PLSCR4: variants seen among roughly 807,000 people sequenced by gnomAD.
The protein encoded by PLSCR4 is phospholipid scramblase 4.
PLSCR4 carries 25 observed loss-of-function variants against 36.3 expected under a neutral mutation model. The observed-to-expected ratio is 0.69, with a 90% CI of 0.50 to 0.96. The LOEUF is 0.96. PLSCR4 is among the 40% of genes least tolerant of loss of function. The probability of loss-of-function intolerance (pLI) is 0.00; values close to 1 mark genes in which losing one functional copy is unlikely to be tolerated. For synonymous variants in PLSCR4, 122 were observed against 132.9 expected (o/e 0.92, Z 0.56); for missense variants, 408 against 414.7 (o/e 0.98, Z 0.14).
intron 1 of PLSCR4, among the ~76,000 whole-genome samples, chr3:146,229,835 AG>A (rs1238916141): frequency 6.6e-6 from 1 of 151,998 alleles, no homozygotes; most frequent in African/African-American, 2.4e-5. Flanking sequence ...CATGTTAGCC[AG>A]GATGGTCTCG....
rs1054183469 is a variant in PLSCR4 at position 146,194,151 on chromosome 3, T to C, written c.*260A>G. The C allele has an allele frequency of 2.5e-6, 1 of 397,124 alleles. No homozygotes were observed. The highest frequency in any genetic ancestry group is 4.5e-6 in the Non-Finnish European group (1 of 223,458). 24.6% of individuals were successfully genotyped at this position (397,124 alleles called of 1,614,324 possible). On this transcript the variant is annotated 3_prime_UTR_variant, in exon 9 of 9. Coordinates refer to ENST00000354952, the MANE Select transcript of PLSCR4 (RefSeq NM_020353.3). ...ATCTCATGTTTATAGTGTTTTAAGCTTACTTTGTATATGTTTACTGGGTTA... is the reference window on the plus strand; with the variant it reads ...ATCTCATGTTTATAGTGTTTTAAGCCTACTTTGTATATGTTTACTGGGTTA...
At chr3:146,219,621 C>CA (rs1034557560) in intron 3 of PLSCR4, among the ~76,000 whole-genome samples, 15 of 151,160 alleles carry the variant, frequency 9.9e-5, no homozygotes, top group Admixed American at 1.3e-4. Context: ...TGCCTAGAGC[C>CA]AAAAAAAACC....
At chr3:146,233,990 C>A (rs945792656) in intron 1 of PLSCR4, among the ~76,000 whole-genome samples, 1 of 147,366 alleles carries the variant, frequency 6.8e-6, no homozygotes, top group South Asian at 2.2e-4. Context: ...AGAGAAATTA[C>A]CCATGAACTA....
intron 7 of PLSCR4, chr3:146,196,358 G>C (rs1398419881): frequency 2.8e-6 from 1 of 354,922 alleles, no homozygotes; most frequent in Non-Finnish European, 5.2e-6. Flanking sequence ...AGATGAATTA[G>C]GTCAAGCTAT....
At chr3:146,220,327 T>C (rs2035076522) in intron 3 of PLSCR4, among the ~76,000 whole-genome samples, 1 of 152,224 alleles carries the variant, frequency 6.6e-6, no homozygotes, top group Admixed American at 6.5e-5. Flanking sequence ...TCAGCACCCA[T>C]GGCCATTCAC....
chr3:146,233,953 C>T (rs1214809374), intron 1 of PLSCR4, among the ~76,000 whole-genome samples: 2 of 112,406 alleles, frequency 1.8e-5, no homozygotes, highest in African/African-American at 3.0e-5. Flanking sequence ...AAATTCCACT[C>T]GGTAAGGGTT....
chr3:146,223,406 T>A (rs1000685599), intron 1 of PLSCR4, among the ~76,000 whole-genome samples: 9 of 132,668 alleles, frequency 6.8e-5, no homozygotes, highest in Non-Finnish European at 5.0e-5. Flanking sequence ...TTTTCACATA[T>A]CTCTGATTAT....
chr3:146,242,011 A>T (rs938955687), intron 1 of PLSCR4, among the ~76,000 whole-genome samples: 9 of 152,208 alleles, frequency 5.9e-5, no homozygotes, highest in African/African-American at 1.9e-4. Flanking sequence ...CAAGTAGCTG[A>T]GTCTCAGCCA....
At chr3:146,229,341 G>A (rs1273486315) in intron 1 of PLSCR4, among the ~76,000 whole-genome samples, 1 of 152,004 alleles carries the variant, frequency 6.6e-6, no homozygotes, top group Non-Finnish European at 1.5e-5. Flanking sequence ...CTCCAGGGGG[G>A]TGGGGGCCTT....
intron 3 of PLSCR4, among the ~76,000 whole-genome samples, chr3:146,215,990 G>A (rs35969224): frequency 0.047 from 7,204 of 152,256 alleles, 198 homozygotes; most frequent in South Asian, 0.073. Flanking sequence ...CAGCATTTTA[G>A]GAGGCCGAGG....
At chr3:146,222,001 G>T in intron 2 of PLSCR4, 64 bp downstream of exon 2, 1 of 968,974 alleles carries the variant, frequency 1.0e-6, no homozygotes, top group Non-Finnish European at 1.5e-6. Flanking sequence ...CCCCTTTAGG[G>T]AAAATAATCA....
At chr3:146,211,333 T>G (rs2034609973) in intron 3 of PLSCR4, among the ~76,000 whole-genome samples, 1 of 152,108 alleles carries the variant, frequency 6.6e-6, no homozygotes, top group Non-Finnish European at 1.5e-5. Flanking sequence ...ATGTGCTTAT[T>G]GGCCATTTGT....
intron 3 of PLSCR4, among the ~76,000 whole-genome samples, chr3:146,209,717 C>G (rs993013885): frequency 3.5e-4 from 53 of 152,102 alleles, no homozygotes; most frequent in African/African-American, 1.3e-3. Flanking sequence ...ATAACTGGGT[C>G]TTGGTTGTCT....
At chr3:146,201,178 T>G in intron 4 of PLSCR4, 101 bp from the exon 5 acceptor site, 3 of 667,466 alleles carry the variant, frequency 4.5e-6, no homozygotes, top group Non-Finnish European at 7.2e-6. Flanking sequence ...CATCAATTGA[T>G]ACCAAAATAT....
intron 1 of PLSCR4, among the ~76,000 whole-genome samples, chr3:146,236,062 T>A (rs2035901544): frequency 6.6e-6 from 1 of 151,992 alleles, no homozygotes; most frequent in African/African-American, 2.4e-5. Flanking sequence ...AGCATGAAAG[T>A]TTGGAAAATT....
chr3:146,227,977 T>C (rs2108312349), intron 1 of PLSCR4, among the ~76,000 whole-genome samples: 1 of 152,314 alleles, frequency 6.6e-6, no homozygotes, highest in East Asian at 1.9e-4. Flanking sequence ...GACTATTAAA[T>C]AGTGTATTCT....
intron 1 of PLSCR4, among the ~76,000 whole-genome samples, chr3:146,239,405 G>T (rs549281982): frequency 6.6e-6 from 1 of 151,000 alleles, no homozygotes; most frequent in Non-Finnish European, 1.5e-5. Context: ...ACAGAAATGA[G>T]AATCCAGAAA....
chr3:146,222,614 G>C (rs550280660), intron 1 of PLSCR4, among the ~76,000 whole-genome samples: 1 of 152,324 alleles, frequency 6.6e-6, no homozygotes, highest in African/African-American at 2.4e-5. Flanking sequence ...GAGGAAAAGA[G>C]AAAGTGGTTT....
chr3:146,240,525 A>C (rs2036107481), intron 1 of PLSCR4, among the ~76,000 whole-genome samples: 1 of 152,210 alleles, frequency 6.6e-6, no homozygotes, highest in Admixed American at 6.5e-5. Context: ...GGATTTCTTG[A>C]GACCAGGAGT....
Sources: allele counts gnomAD v4.1 joint callset (sites outside exome capture counted in the v4.1 genomes callset), GRCh38; gene constraint gnomAD v4.1.1; transcripts MANE v1.5; gene names NCBI Gene and HGNC (gene_info 2026-07-23, HGNC 2026-07-21).